CLYBL: variants seen among roughly 807,000 people sequenced by gnomAD.
CLYBL encodes the protein citramalyl-CoA lyase, mitochondrial.
CLYBL carries 31 observed loss-of-function variants against 38.9 expected under a neutral mutation model. That is an observed-to-expected ratio of 0.80 (90% CI 0.60 to 1.08). The LOEUF (loss-of-function observed/expected upper bound fraction) is 1.08. Ranked by LOEUF, CLYBL falls within the 50% of genes least tolerant of loss-of-function variation. CLYBL has a pLI of 0.00. For synonymous variants in CLYBL, 171 were observed against 158.6 expected (o/e 1.08, Z -0.59); for missense variants, 434 against 411.6 (o/e 1.05, Z -0.47).
Position 99,686,951 on chromosome 13 carries a change from G to A in CLYBL, c.62+80194G>A, listed in dbSNP as rs148923570. On this transcript the variant is annotated intron_variant, in intron 1 of 8. Transcript: ENST00000339105. ...TAGAAAGCTTAGTAACCTCGATAAT[G>A]AGAGGCTATGAAATAGTTCTTTTTA... Among the ~76,000 whole-genome samples, 234 of 152,314 alleles carry A rather than the reference G, an allele frequency of 1.5e-3. 2 individuals carry two copies. The highest frequency in any genetic ancestry group is 5.3e-3 in the African/African-American group (220 of 41,558).
At chr13:99,611,062 C>T (rs1018376728) in intron 1 of CLYBL, among the ~76,000 whole-genome samples, 2 of 152,216 alleles carry the variant, frequency 1.3e-5, no homozygotes, top group Admixed American at 6.5e-5. Flanking sequence ...TAGTGGCTGC[C>T]ATGCTGCTGG....
chr13:99,833,007 C>CATACATATATATATATATAT (rs1189179465), intron 2 of CLYBL, among the ~76,000 whole-genome samples: 24 of 51,560 alleles, frequency 4.7e-4, no homozygotes, highest in East Asian at 2.3e-3. Context: ...TACATACATA[C>CATACATATATATATATATAT]ATATATATAT....
intron 2 of CLYBL, among the ~76,000 whole-genome samples, chr13:99,850,153 T>C (rs956488073): frequency 4.9e-4 from 74 of 152,194 alleles, no homozygotes; most frequent in African/African-American, 1.7e-3. Context: ...AATTGGACTT[T>C]AGTAAAATTG....
chr13:99,761,070 G>A (rs1437876313), intron 1 of CLYBL, among the ~76,000 whole-genome samples: 1 of 152,030 alleles, frequency 6.6e-6, no homozygotes, highest in Admixed American at 6.6e-5. Context: ...TCTGTCTTTG[G>A]GGGCTGGATG....
intron 2 of CLYBL, among the ~76,000 whole-genome samples, chr13:99,809,502 A>C (rs1343705075): frequency 6.6e-6 from 1 of 152,232 alleles, no homozygotes; most frequent in Non-Finnish European, 1.5e-5. Flanking sequence ...GTCTTGTGAA[A>C]GTTGGGGGAA....
chr13:99,899,036 G>A (rs1056023430), downstream of CLYBL, among the ~76,000 whole-genome samples: 3 of 152,196 alleles, frequency 2.0e-5, no homozygotes, highest in Non-Finnish European at 4.4e-5. Context: ...CCACTAATGG[G>A]TTAGGTTACG....
At chr13:99,638,198 T>G (rs1266112705) in intron 1 of CLYBL, among the ~76,000 whole-genome samples, 2 of 152,144 alleles carry the variant, frequency 1.3e-5, no homozygotes, top group Non-Finnish European at 2.9e-5. Context: ...GCTCAAATGG[T>G]CCCCCTGCCT....
intron 2 of CLYBL, among the ~76,000 whole-genome samples, chr13:99,842,635 A>G (rs1033449388): frequency 6.6e-6 from 1 of 152,146 alleles, no homozygotes; most frequent in African/African-American, 2.4e-5. Flanking sequence ...AACAGGGCCA[A>G]CCTAATATGA....
chr13:99,850,900 T>C (rs1252786201), intron 2 of CLYBL, among the ~76,000 whole-genome samples: 1 of 152,232 alleles, frequency 6.6e-6, no homozygotes, highest in Non-Finnish European at 1.5e-5. Context: ...AAAACATTAT[T>C]ATGCTTAGCG....
intron 2 of CLYBL, among the ~76,000 whole-genome samples, chr13:99,807,303 A>T (rs1327776671): frequency 6.6e-6 from 1 of 152,200 alleles, no homozygotes; most frequent in Non-Finnish European, 1.5e-5. Context: ...CCGCATGTGC[A>T]TGACTAAGCC....
At chr13:99,754,548 ACTATGCCCAG>A (rs1310407544) in intron 1 of CLYBL, among the ~76,000 whole-genome samples, 1 of 150,212 alleles carries the variant, frequency 6.7e-6, no homozygotes, top group African/African-American at 2.4e-5. Context: ...GGCACACACC[ACTATGCCCAG>A]CTCTTCTAGA....
chr13:99,768,791 G>T (rs1006206322), intron 1 of CLYBL, among the ~76,000 whole-genome samples: 3 of 152,250 alleles, frequency 2.0e-5, no homozygotes, highest in African/African-American at 7.2e-5. Flanking sequence ...AGGATTACAG[G>T]TGTGAGCTAG....
intron 1 of CLYBL, among the ~76,000 whole-genome samples, chr13:99,732,050 G>A (rs1012915591): frequency 4.6e-5 from 7 of 150,720 alleles, no homozygotes; most frequent in Non-Finnish European, 7.4e-5. Flanking sequence ...TTGGGGCTAT[G>A]TTTGTTTTTT....
At chr13:99,730,257 T>C (rs1036095954) in intron 1 of CLYBL, among the ~76,000 whole-genome samples, 11 of 152,322 alleles carry the variant, frequency 7.2e-5, no homozygotes, top group South Asian at 2.1e-4. Flanking sequence ...ACTCCTTTGG[T>C]ATCTGGATCT....
chr13:99,836,029 G>A (rs1017415194), intron 2 of CLYBL, among the ~76,000 whole-genome samples: 1 of 152,206 alleles, frequency 6.6e-6, no homozygotes, highest in Non-Finnish European at 1.5e-5. Context: ...TTCAGGGCTT[G>A]AGAGTTCGGG....
intron 7 of CLYBL, 91 bp from the exon 8 acceptor site, chr13:99,891,227 T>A (rs1190999011): frequency 4.3e-6 from 4 of 930,652 alleles, no homozygotes; most frequent in Non-Finnish European, 6.9e-6. Flanking sequence ...TCAGGTGGAA[T>A]CTAAAATGTT....
At position 99,858,897 on chromosome 13, in the gene CLYBL, G is replaced by T; in HGVS notation, c.286G>T (p.Asp96Tyr). The change falls in exon 3 of 9, where the codon GAC becomes TAC. Residue 96 changes from aspartate (D) to tyrosine (Y), a missense_variant. Physicochemically the swap from Asp to Tyr is radical, Grantham distance 160. Transcript: ENST00000339105. The part of the protein sequence containing the change: ...ARLRIVKTLE[D>Y]IDLGPTEKCV... The stretch of plus-strand genomic sequence containing the variant: ...ACTGAGAATTGTAAAAACTCTTGAA[G>T]ACATTGATCTGGGCCCTACTGAAAA... 1 of 1,610,720 alleles carries T rather than the reference G, an allele frequency of 6.2e-7. No homozygotes were observed. Among genetic ancestry groups the T allele is most frequent in the Non-Finnish European group, 8.5e-7 (1 of 1,179,150 alleles).
chr13:99,731,732 G>A (rs777732046), intron 1 of CLYBL, among the ~76,000 whole-genome samples: 6 of 152,192 alleles, frequency 3.9e-5, no homozygotes, highest in Non-Finnish European at 8.8e-5. Flanking sequence ...CCCCTGGATG[G>A]GGAGGGAGGA....
At chr13:99,642,415 A>G (rs2047109220) in intron 1 of CLYBL, among the ~76,000 whole-genome samples, 1 of 151,196 alleles carries the variant, frequency 6.6e-6, no homozygotes, top group African/African-American at 2.4e-5. Flanking sequence ...GATTATTGTT[A>G]TTATTATTAT....
Sources: gnomAD v4.1 joint callset for allele counts (sites outside exome capture counted in the v4.1 genomes callset) on GRCh38, gnomAD v4.1.1 for gene constraint, MANE v1.5 for transcripts, NCBI Gene and HGNC (gene_info 2026-07-23, HGNC 2026-07-21) for gene names.